Variants in ARHGAP10 observed in about 807,000 individuals in gnomAD.
ARHGAP10 encodes the protein Rho GTPase activating protein 10, also known as rho GTPase-activating protein 10.
ARHGAP10 carries 87 observed loss-of-function variants against 108.6 expected under a neutral mutation model. The observed-to-expected ratio is 0.80, with a 90% CI of 0.67 to 0.96. The LOEUF (loss-of-function observed/expected upper bound fraction) is 0.96. Ranked by LOEUF, ARHGAP10 falls within the 40% of genes least tolerant of loss-of-function variation. The pLI is 0.00. For missense variants in ARHGAP10, 939 were observed against 954.5 expected, an observed-to-expected ratio of 0.98 and a Z score of 0.21; for synonymous variants, 347 against 341.1, an observed-to-expected ratio of 1.02 and a Z score of -0.19.
intron 1 of ARHGAP10, among the ~76,000 whole-genome samples, chr4:147,822,499 A>AT (rs1164626761): frequency 1.3e-5 from 2 of 152,162 alleles, no homozygotes; most frequent in East Asian, 3.9e-4. Flanking sequence ...GGGAATAAAC[A>AT]TTTTTTCAGC....
At chr4:147,893,940 A>G (rs1381592217) in intron 10 of ARHGAP10, among the ~76,000 whole-genome samples, 2 of 152,174 alleles carry the variant, frequency 1.3e-5, no homozygotes, top group Non-Finnish European at 2.9e-5. Context: ...ATTGAAAGAC[A>G]CATTTTATAT....
chr4:147,979,638 T>C (rs1403307525), intron 18 of ARHGAP10, among the ~76,000 whole-genome samples: 1 of 152,222 alleles, frequency 6.6e-6, no homozygotes, highest in East Asian at 1.9e-4. Flanking sequence ...ATGGAGATTT[T>C]AATGATACTG....
At chr4:147,850,065 T>A (rs756039337) in intron 4 of ARHGAP10, among the ~76,000 whole-genome samples, 3 of 152,296 alleles carry the variant, frequency 2.0e-5, no homozygotes, top group Middle Eastern at 3.4e-3. Flanking sequence ...ATCAGCACTC[T>A]GTAAAAACAC....
intron 18 of ARHGAP10, among the ~76,000 whole-genome samples, chr4:148,008,423 C>T (rs528426716): frequency 1.3e-4 from 19 of 151,218 alleles, no homozygotes; most frequent in Admixed American, 7.3e-4. Context: ...AATTTTGGCC[C>T]GAAGGGGACA....
At chr4:147,853,812 C>T (rs1414826870) in intron 4 of ARHGAP10, among the ~76,000 whole-genome samples, 1 of 151,732 alleles carries the variant, frequency 6.6e-6, no homozygotes, top group Non-Finnish European at 1.5e-5. Flanking sequence ...CTTCTCTATT[C>T]TGAGATTTGT....
At chr4:148,033,622 T>C (rs561852460) in intron 19 of ARHGAP10, among the ~76,000 whole-genome samples, 1 of 152,362 alleles carries the variant, frequency 6.6e-6, no homozygotes, top group African/African-American at 2.4e-5. Flanking sequence ...ACATACCGCA[T>C]ACATTTATAT....
At chr4:148,033,744 A>T (rs1370307783) in intron 19 of ARHGAP10, among the ~76,000 whole-genome samples, 6 of 152,240 alleles carry the variant, frequency 3.9e-5, no homozygotes, top group Admixed American at 3.9e-4. Flanking sequence ...AACAGAGTCT[A>T]GAAAGAAAGG....
intron 1 of ARHGAP10, among the ~76,000 whole-genome samples, chr4:147,740,321 T>G (rs1728608495): frequency 6.6e-6 from 1 of 152,172 alleles, no homozygotes; most frequent in African/African-American, 2.4e-5. Context: ...GTAGCTTGTC[T>G]AAATCACAAT....
intron 3 of ARHGAP10, among the ~76,000 whole-genome samples, chr4:147,834,050 T>G (rs1374352585): frequency 6.6e-6 from 1 of 152,200 alleles, no homozygotes; most frequent in East Asian, 1.9e-4. Flanking sequence ...TGCAACTAGG[T>G]AAATAAAAGG....
chr4:148,051,910 A>C (rs1729154813), intron 20 of ARHGAP10, among the ~76,000 whole-genome samples: 1 of 152,112 alleles, frequency 6.6e-6, no homozygotes, highest in African/African-American at 2.4e-5. Context: ...GTTTCCTTTA[A>C]ATTGGGCAAA....
intron 1 of ARHGAP10, among the ~76,000 whole-genome samples, chr4:147,743,670 T>A (rs1029791468): frequency 6.6e-6 from 1 of 151,996 alleles, no homozygotes; most frequent in East Asian, 1.9e-4. Flanking sequence ...CCAGCTACTC[T>A]GGAGGCTGAG....
At chr4:147,985,127 T>A (rs1332032863) in intron 18 of ARHGAP10, among the ~76,000 whole-genome samples, 1 of 152,170 alleles carries the variant, frequency 6.6e-6, no homozygotes, top group Non-Finnish European at 1.5e-5. Context: ...TGCTTGGGTA[T>A]GGAGCAGAGA....
intron 13 of ARHGAP10, among the ~76,000 whole-genome samples, chr4:147,933,708 A>C (rs1440771547): frequency 6.6e-6 from 1 of 152,136 alleles, no homozygotes; most frequent in Non-Finnish European, 1.5e-5. Flanking sequence ...AGTCCAGAAG[A>C]CTGTTCTAGT....
In ARHGAP10 at chr4:147,923,601, T is replaced by C. The variant is rs1560828539; in HGVS notation, c.1228+10462T>C. 3.3e-5 allele frequency among the ~76,000 whole-genome samples: 5 copies of C among 152,366 alleles called. No individual in the cohort carries two copies. The East Asian group carries it at 9.6e-4, about 29-fold the overall frequency. ...AAGCTGTCAGTTATCAAATTCAGCATTGTAACAAGCTGTGAATTCATGGGA... is the reference window on the plus strand; with the variant it reads ...AAGCTGTCAGTTATCAAATTCAGCACTGTAACAAGCTGTGAATTCATGGGA... On this transcript the variant is annotated intron_variant, in intron 13 of 22. Coordinates refer to ENST00000336498, the MANE Select transcript of ARHGAP10 (RefSeq NM_024605.4).
chr4:147,783,442 TTA>T, intron 1 of ARHGAP10, among the ~76,000 whole-genome samples: 2 of 141,504 alleles, frequency 1.4e-5, no homozygotes, highest in African/African-American at 5.1e-5. Context: ...ATTGTATAAT[TTA>T]TATAGCACAC....
chr4:148,027,390 G>A (rs1023082818), intron 19 of ARHGAP10, among the ~76,000 whole-genome samples: 3 of 152,126 alleles, frequency 2.0e-5, no homozygotes, highest in African/African-American at 7.2e-5. Flanking sequence ...GGGTATCGTC[G>A]GGTTGGCACT....
At chr4:147,845,519 G>A (rs1733595482) in intron 3 of ARHGAP10, among the ~76,000 whole-genome samples, 1 of 152,162 alleles carries the variant, frequency 6.6e-6, no homozygotes, top group Non-Finnish European at 1.5e-5. Flanking sequence ...TACTTTTATT[G>A]CCATGTTGCA....
intron 10 of ARHGAP10, among the ~76,000 whole-genome samples, chr4:147,900,706 C>T (rs1365188075): frequency 6.6e-6 from 1 of 152,156 alleles, no homozygotes; most frequent in Non-Finnish European, 1.5e-5. Context: ...TTTCTCAGTT[C>T]TAATTCTTGC....
rs183116210 is a variant in ARHGAP10, at chr4:147,938,400, A to T, written c.1229-1425A>T. Among the ~76,000 whole-genome samples the T allele has an allele frequency of 2.4e-3, 369 of 152,326 alleles. 1 individual carries two copies. Among genetic ancestry groups the T allele is most frequent in the African/African-American group, 7.6e-3 (317 of 41,588 alleles). ...AATAGTATATGTAACTATAATTTTT[A>T]AAAAAAGCAAAGAGAAAAAGAAGGA... On this transcript the variant is annotated intron_variant, in intron 13 of 22. Coordinates refer to ENST00000336498, the MANE Select transcript of ARHGAP10 (RefSeq NM_024605.4).
Sources: gnomAD v4.1 joint callset for allele counts (sites outside exome capture counted in the v4.1 genomes callset) on GRCh38, gnomAD v4.1.1 for gene constraint, MANE v1.5 for transcripts, NCBI Gene and HGNC (gene_info 2026-07-23, HGNC 2026-07-21) for gene names.